NOL6: variants seen among roughly 807,000 people sequenced by gnomAD.
NOL6 encodes nucleolar RNA-associated protein.
In NOL6, 33 loss-of-function variants were observed where a neutral mutation model predicts 131.7. The ratio of observed to expected loss-of-function variants is 0.25; its 90% CI spans 0.19 to 0.33. NOL6 has a LOEUF of 0.33. NOL6 is among the 10% of genes least tolerant of loss of function. The probability of loss-of-function intolerance (pLI) is 1.00; values close to 1 mark genes in which losing one functional copy is unlikely to be tolerated. For synonymous variants in NOL6, 580 were observed against 605.7 expected (o/e 0.96, Z 0.62); for missense variants, 1,297 against 1,494.5 (o/e 0.87, Z 2.18).
In NOL6 at chr9:33,465,249, G is replaced by A; in HGVS notation, c.2639C>T (p.Ala880Val). 1.3e-6 allele frequency: 2 copies of A among 1,598,344 alleles called. No individual in the cohort carries two copies. Among genetic ancestry groups the A allele is most frequent in the Admixed American group, 1.7e-5 (1 of 57,982 alleles). ...GFADESLDLV[A>V]AALFLHPEPF... ...CTCAGGGTGCAGGAAAAGGGCAGCGGCCACCAGATCCAGGCTCTCATCAGC... is the reference window on the plus strand; with the variant it reads ...CTCAGGGTGCAGGAAAAGGGCAGCGACCACCAGATCCAGGCTCTCATCAGC... The change falls in exon 20 of 26, where the codon GCC becomes GTC. Residue 880 changes from alanine to valine, a missense_variant. Physicochemically the swap from Ala to Val is moderately conservative, Grantham distance 64. Coordinates refer to ENST00000297990, the MANE Select transcript of NOL6 (RefSeq NM_022917.5).
In NOL6 at chr9:33,467,861, G is replaced by T; in HGVS notation, c.1432C>A (p.Pro478Thr). The change falls in exon 12 of 26, where the codon CCA becomes ACA. Residue 478 changes from proline to threonine, a missense_variant. Transcript: ENST00000297990. This position sits in a 1 kb window ranked among gnomAD's most constrained non-coding sequence, Gnocchi z 4.4. ...RAFDHVLHLRPLSRLQAACHR... is the reference protein window; with the variant it reads ...RAFDHVLHLRTLSRLQAACHR... ...CACGCTGCCTGCAGGCGACTCAGTGGACGGAGACTGGAGGGGTACAAAGGG... is the reference window on the plus strand; with the variant it reads ...CACGCTGCCTGCAGGCGACTCAGTGTACGGAGACTGGAGGGGTACAAAGGG... 6.3e-7 allele frequency: 1 copy of T among 1,589,534 alleles called. No individual in the cohort carries two copies. The highest frequency in any genetic ancestry group is 1.3e-5 in the African/African-American group (1 of 74,446).
chr9:33,464,967 C>G lies in NOL6; in HGVS notation c.2691G>C (p.Gln897His). 6.2e-7 allele frequency: 1 copy of G among 1,613,536 alleles called. No individual in the cohort carries two copies. Among genetic ancestry groups the G allele is most frequent in the Non-Finnish European group, 8.5e-7 (1 of 1,179,604 alleles). The change falls in exon 21 of 26, where the codon CAG becomes CAC. Residue 897 changes from glutamine to histidine, a missense_variant. Coordinates refer to ENST00000297990, the MANE Select transcript of NOL6 (RefSeq NM_022917.5). ...AGAAAAGGAATCGAAGGAAGCCAAC[C>G]TGGGGGGAACTAAAGGGCTGGAGTA... is the stretch of plus-strand genomic sequence containing the variant. ...PEPFTPPSSP[Q>H]VGFLRFLFLV... is the part of the protein sequence containing the mutation.
rs780494788 is a variant in NOL6, at chr9:33,467,020, TTG to T, written c.1875-35_1875-34del. 1 of 1,613,920 alleles carries T rather than the reference TTG, an allele frequency of 6.2e-7. No individual in the cohort carries two copies. Among genetic ancestry groups the T allele is most frequent in the South Asian group, 1.1e-5 (1 of 91,058 alleles). ...AGAGGCAGAGACACAGTGAGAAAAT[TTG>T]GGGCTATGTTCTCGCTCAACTGCCT... On this transcript the variant is annotated intron_variant, in intron 14 of 25. Coordinates refer to ENST00000297990, the MANE Select transcript of NOL6 (RefSeq NM_022917.5). This position sits in a 1 kb window ranked among gnomAD's most constrained non-coding sequence, Gnocchi z 4.4.
intron 21 of NOL6, among the ~76,000 whole-genome samples, chr9:33,464,416 C>T (rs947791059): frequency 3.3e-5 from 5 of 152,176 alleles, no homozygotes; most frequent in African/African-American, 9.7e-5. Flanking sequence ...CGGGCCTGCA[C>T]AAGCTGAGTC....
intron 4 of NOL6, 152 bp from the exon 5 acceptor site, chr9:33,469,819 G>A (rs1005188355): frequency 9.3e-7 from 1 of 1,072,222 alleles, no homozygotes. Flanking sequence ...TCTCATATCT[G>A]GAGAGCAAAG....
At position 33,462,701 on chromosome 9, in the gene NOL6, T is replaced by C. The variant is rs201141253; in HGVS notation, c.3404A>G (p.Gln1135Arg). 1,529 of 1,614,150 alleles carry C rather than the reference T, an allele frequency of 9.5e-4. 26 individuals carry two copies. In the South Asian group the frequency reaches 0.015, roughly 16 times the overall value. Residue 1135 changes from glutamine to arginine, a missense_variant, in exon 26 of 26, where the codon CAG becomes CGG. Transcript: ENST00000297990. ...CCTCTCACTTCGGGCCTCCACAGTC[T>C]GCACCAGGCCTTCACCCAGCACAGC... ...DFAVLGEGLVQTVEARSERWT... is the reference protein window; with the variant it reads ...DFAVLGEGLVRTVEARSERWT...
chr9:33,473,193 G>A (rs760652839), intron 1 of NOL6, among the ~76,000 whole-genome samples: 4 of 152,146 alleles, frequency 2.6e-5, no homozygotes, highest in Non-Finnish European at 5.9e-5. Flanking sequence ...AGCTAGAACC[G>A]ACTGGACCCC....
Position 33,468,357 on chromosome 9 carries a change from G to A in NOL6, c.1272C>T (p.Asn424=), listed in dbSNP as rs779471449. 1 of 1,614,132 alleles carries A rather than the reference G, an allele frequency of 6.2e-7. No individual in the cohort carries two copies. The highest frequency in any genetic ancestry group is 8.5e-7 in the Non-Finnish European group (1 of 1,179,990). ...VVFLDSSGHL[N]LCADVTASTY... is the part of the protein sequence containing the mutation. Reference sequence around the variant, plus strand: ...TAGAGGCAGTGACATCAGCACAGAGGTTGAGATGGCCTGAGGAATCCAGGA... The same window carrying A: ...TAGAGGCAGTGACATCAGCACAGAGATTGAGATGGCCTGAGGAATCCAGGA... The change falls in exon 10 of 26, where the codon AAC becomes AAT. Residue 424 remains asparagine (N), a synonymous_variant. Coordinates refer to ENST00000297990, the MANE Select transcript of NOL6 (RefSeq NM_022917.5).
At chr9:33,464,186 T>C in intron 21 of NOL6, 25 bp from the exon 22 acceptor site, 2 of 1,586,082 alleles carry the variant, frequency 1.3e-6, no homozygotes, top group East Asian at 2.2e-5. Flanking sequence ...GGGTCCTGGG[T>C]CAGCCTGCTC....
intron 3 of NOL6, among the ~76,000 whole-genome samples, chr9:33,471,224 T>C (rs1278080343): frequency 1.3e-5 from 2 of 152,218 alleles, no homozygotes; most frequent in African/African-American, 2.4e-5. Flanking sequence ...GATCGCGCCA[T>C]TGCACTCCAG....
chr9:33,471,930 G>T, intron 3 of NOL6, 74 bp downstream of exon 3: 2 of 1,053,756 alleles, frequency 1.9e-6, no homozygotes, highest in Non-Finnish European at 3.0e-6. Context: ...CAGAGTAACA[G>T]CAAGGCCCCT....
intron 1 of NOL6, among the ~76,000 whole-genome samples, chr9:33,472,899 G>A (rs558343060): frequency 1.3e-4 from 20 of 151,594 alleles, no homozygotes; most frequent in Admixed American, 5.3e-4. Context: ...CTTGAACCCA[G>A]GAGGCAGAGG....
rs1827293341 is a variant in NOL6, at chr9:33,467,904, G to C, written c.1425-36C>G. ...ACAAAGGGCCAAAGAGGGGTAATCAGGTTGCTGGCCCCTAGTACCACCTCC... is the reference window on the plus strand; with the variant it reads ...ACAAAGGGCCAAAGAGGGGTAATCACGTTGCTGGCCCCTAGTACCACCTCC... On this transcript the variant is annotated intron_variant, in intron 11 of 25. Transcript: ENST00000297990. This position sits in a 1 kb window ranked among gnomAD's most constrained non-coding sequence, Gnocchi z 4.4. The C allele has an allele frequency of 6.3e-7, 1 of 1,582,804 alleles. No individual in the cohort carries two copies. The highest frequency in any genetic ancestry group is 1.3e-5 in the African/African-American group (1 of 74,306).
chr9:33,462,239 G>T lies in NOL6; in HGVS notation c.*425C>A. ...TAAAGGCCTGACACTGCAGTGAAGG[G>T]CATGCTAAGTCTAGGCACAGGTCCT... is the stretch of plus-strand genomic sequence containing the variant. On this transcript the variant is annotated 3_prime_UTR_variant, in exon 26 of 26. Coordinates refer to ENST00000297990, the MANE Select transcript of NOL6 (RefSeq NM_022917.5). 1.4e-6 allele frequency: 1 copy of T among 716,844 alleles called. No individual in the cohort carries two copies. Among genetic ancestry groups the T allele is most frequent in the Non-Finnish European group, 2.6e-6 (1 of 385,082 alleles). 44.4% of individuals were successfully genotyped at this position (716,844 alleles called of 1,614,324 possible).
chr9:33,469,436 T>C (rs1827346970), intron 5 of NOL6, 63 bp downstream of exon 5: 1 of 1,597,260 alleles, frequency 6.3e-7, no homozygotes, highest in African/African-American at 1.3e-5. Context: ...TCCGTGCCTC[T>C]GTGCCTTCTC....
At chr9:33,468,618 C>A (rs1827317218) in intron 8 of NOL6, 52 bp from the exon 9 acceptor site, 1 of 1,608,430 alleles carries the variant, frequency 6.2e-7, no homozygotes, top group African/African-American at 1.3e-5. Flanking sequence ...GGGACCCAGC[C>A]CTAATGACAC....
At position 33,467,474 on chromosome 9, in the gene NOL6, T is replaced by A; in HGVS notation, c.1645A>T (p.Thr549Ser). 1 of 1,614,074 alleles carries A rather than the reference T, an allele frequency of 6.2e-7. No individual in the cohort carries two copies. The highest frequency in any genetic ancestry group is 8.5e-7 in the Non-Finnish European group (1 of 1,180,008). Residue 549 changes from threonine to serine, a missense_variant, in exon 13 of 26, where the codon ACC (threonine) becomes TCC (serine). Transcript: ENST00000297990. This position sits in a 1 kb window ranked among gnomAD's most constrained non-coding sequence, Gnocchi z 4.4. ...CGGAGAAGGAGTCCCAGGGTCAGGG[T>A]CCCAGAGTCTTTGTGCTTTGGTGGA... Reference protein sequence around the residue: ...QDPPKHKDSGTLTLGLLLRPE... With the variant: ...QDPPKHKDSGSLTLGLLLRPE...
chr9:33,467,659 A>T lies in NOL6; in HGVS notation c.1602+32T>A. 1 of 1,545,214 alleles carries T rather than the reference A, an allele frequency of 6.5e-7. No individual in the cohort carries two copies. The highest frequency in any genetic ancestry group is 8.7e-7 in the Non-Finnish European group (1 of 1,145,368). ...TGGGACCCTGGATCCAGCCCAACTCAGACCCAAACTCCCCAACCTACACCA... is the reference window on the plus strand; with the variant it reads ...TGGGACCCTGGATCCAGCCCAACTCTGACCCAAACTCCCCAACCTACACCA... On this transcript the variant is annotated intron_variant, in intron 12 of 25. Transcript: ENST00000297990. This position sits in a 1 kb window ranked among gnomAD's most constrained non-coding sequence, Gnocchi z 4.4.
chr9:33,469,471 T>C, intron 5 of NOL6, 28 bp downstream of exon 5: 1 of 1,593,894 alleles, frequency 6.3e-7, no homozygotes, highest in Non-Finnish European at 8.6e-7. Context: ...TCCCATGCTA[T>C]GCCCTCAGCC....
Sources: allele counts gnomAD v4.1 joint callset (sites outside exome capture counted in the v4.1 genomes callset), GRCh38; gene constraint gnomAD v4.1.1; non-coding constraint Gnocchi (gnomAD v3.1); transcripts MANE v1.5; gene names NCBI Gene and HGNC (gene_info 2026-07-23, HGNC 2026-07-21).